The following KIAA1217 variants were observed in gnomAD, a reference collection of about 807,000 sequenced individuals.
The protein encoded by KIAA1217 is KIAA1217.
Under a neutral mutation model 163.9 loss-of-function variants are expected in KIAA1217, and 88 were observed. The observed-to-expected ratio is 0.54, with a 90% CI of 0.45 to 0.64. The LOEUF (loss-of-function observed/expected upper bound fraction) is 0.64. Ranked by LOEUF, KIAA1217 falls within the 30% of genes least tolerant of loss-of-function variation. The pLI is 0.00. For missense variants in KIAA1217, 2,372 were observed against 2,475.0 expected (o/e 0.96, Z 0.88); for synonymous variants, 903 against 923.1 (o/e 0.98, Z 0.39).
At chr10:24,286,087 T>C (rs956877586) in intron 2 of KIAA1217, among the ~76,000 whole-genome samples, 11 of 152,140 alleles carry the variant, frequency 7.2e-5, no homozygotes, top group Admixed American at 2.6e-4. Flanking sequence ...AGTGAAGTTG[T>C]TTATCAGGTC....
At chr10:23,746,873 G>A (rs1428511689) in intron 1 of KIAA1217, among the ~76,000 whole-genome samples, 1 of 152,120 alleles carries the variant, frequency 6.6e-6, no homozygotes, top group Non-Finnish European at 1.5e-5. Context: ...GAAAACAGGG[G>A]TCAAGGTAAA....
intron 1 of KIAA1217, among the ~76,000 whole-genome samples, chr10:23,711,531 T>G (rs576701361): frequency 2.0e-5 from 3 of 152,322 alleles, no homozygotes; most frequent in Admixed American, 2.0e-4. Flanking sequence ...CCTATAGAAC[T>G]CTAATGTAGT....
intron 1 of KIAA1217, among the ~76,000 whole-genome samples, chr10:23,879,172 C>T (rs765183813): frequency 6.6e-6 from 1 of 151,850 alleles, no homozygotes; most frequent in Non-Finnish European, 1.5e-5. Flanking sequence ...TCAACTGAGA[C>T]CCACCTTCAC....
At chr10:24,400,721 A>G (rs1192538870) in intron 3 of KIAA1217, among the ~76,000 whole-genome samples, 1 of 152,130 alleles carries the variant, frequency 6.6e-6, no homozygotes, top group African/African-American at 2.4e-5. Flanking sequence ...GAAATAGTCA[A>G]CCAGAATATA....
At chr10:24,073,786 A>G (rs1253427002) in intron 2 of KIAA1217, among the ~76,000 whole-genome samples, 2 of 152,198 alleles carry the variant, frequency 1.3e-5, no homozygotes, top group Non-Finnish European at 2.9e-5. Context: ...CAAGCTTAGT[A>G]TACAGGAGAC....
At chr10:23,919,985 T>C (rs1589078003) in intron 1 of KIAA1217, among the ~76,000 whole-genome samples, 1 of 152,070 alleles carries the variant, frequency 6.6e-6, no homozygotes, top group African/African-American at 2.4e-5. Context: ...TTCCAAGAAA[T>C]GCCAATCCCA....
At chr10:23,871,859 AT>A (rs1840472356) in intron 1 of KIAA1217, among the ~76,000 whole-genome samples, 1 of 152,060 alleles carries the variant, frequency 6.6e-6, no homozygotes, top group Non-Finnish European at 1.5e-5. Flanking sequence ...CCAACGTGTC[AT>A]TTCAAATTTC....
chr10:24,167,422 G>A (rs2065409677), intron 2 of KIAA1217, among the ~76,000 whole-genome samples: 1 of 151,800 alleles, frequency 6.6e-6, no homozygotes, highest in South Asian at 2.1e-4. Flanking sequence ...GTCATTTGTT[G>A]GTAACAGCAC....
chr10:24,438,393 CAAG>C lies in KIAA1217; in HGVS notation c.762_764del (p.Gln254_Asp255delinsHis), dbSNP rs1179736387. ...CGATGTTTTTGATTCCAGGAACATTCAAGACAGATCACTCCTCAAAGTGTACAA... is the reference window on the plus strand; with the variant it reads ...CGATGTTTTTGATTCCAGGAACATTCACAGATCACTCCTCAAAGTGTACAA... On this transcript the variant is annotated inframe_deletion, in exon 5 of 21. Transcript: ENST00000376454. 1 of 1,611,754 alleles carries C rather than the reference CAAG, an allele frequency of 6.2e-7. No individual in the cohort carries two copies.
At chr10:23,934,594 T>C (rs1426642285) in intron 1 of KIAA1217, among the ~76,000 whole-genome samples, 1 of 85,196 alleles carries the variant, frequency 1.2e-5, no homozygotes, top group Non-Finnish European at 2.0e-5. Flanking sequence ...TATATATGTA[T>C]ATATATATAT....
intron 2 of KIAA1217, among the ~76,000 whole-genome samples, chr10:24,281,386 C>T (rs189378066): frequency 2.0e-5 from 3 of 152,260 alleles, no homozygotes; most frequent in African/African-American, 4.8e-5. Flanking sequence ...AATTAGGGTA[C>T]AGTGTGTTTG....
At chr10:24,317,284 T>A (rs1219689851) in intron 2 of KIAA1217, among the ~76,000 whole-genome samples, 1 of 152,106 alleles carries the variant, frequency 6.6e-6, no homozygotes, top group East Asian at 1.9e-4. Context: ...TGTTACTTTT[T>A]ATTTATTTAT....
intron 2 of KIAA1217, among the ~76,000 whole-genome samples, chr10:24,190,082 T>C (rs975773543): frequency 1.1e-4 from 16 of 149,530 alleles, no homozygotes; most frequent in Non-Finnish European, 2.2e-4. Flanking sequence ...CTAATGATAA[T>C]AAACTGAGGG....
chr10:23,884,003 C>T (rs1022469357), intron 1 of KIAA1217, among the ~76,000 whole-genome samples: 1 of 151,888 alleles, frequency 6.6e-6, no homozygotes, highest in African/African-American at 2.4e-5. Context: ...TTGATCCATT[C>T]GCCTACTGAA....
At chr10:24,436,060 C>A (rs931052246) in intron 4 of KIAA1217, among the ~76,000 whole-genome samples, 2 of 151,912 alleles carry the variant, frequency 1.3e-5, no homozygotes, top group African/African-American at 4.8e-5. Flanking sequence ...GGGGTTTCAC[C>A]ATGTTGGCCA....
At chr10:24,245,388 CAG>C (rs2073670086) in intron 2 of KIAA1217, among the ~76,000 whole-genome samples, 1 of 152,174 alleles carries the variant, frequency 6.6e-6, no homozygotes, top group South Asian at 2.1e-4. Context: ...GAGACCCCAT[CAG>C]AGAGAGGCTT....
At chr10:23,718,349 G>C (rs1837684722) in intron 1 of KIAA1217, among the ~76,000 whole-genome samples, 1 of 152,080 alleles carries the variant, frequency 6.6e-6, no homozygotes. Flanking sequence ...TTTAAATGTA[G>C]TTTATAGAAT....
At chr10:23,760,174 A>G (rs1834178906) in intron 1 of KIAA1217, among the ~76,000 whole-genome samples, 1 of 152,230 alleles carries the variant, frequency 6.6e-6, no homozygotes. Context: ...AAGAGCTGAA[A>G]GTGCATTGCA....
At chr10:23,949,240 T>C (rs1216067466) in intron 1 of KIAA1217, among the ~76,000 whole-genome samples, 1 of 152,100 alleles carries the variant, frequency 6.6e-6, no homozygotes, top group Non-Finnish European at 1.5e-5. Context: ...ACCTGGGAAA[T>C]TCTAGCAAAA....
Sources: allele counts gnomAD v4.1 joint callset (sites outside exome capture counted in the v4.1 genomes callset), GRCh38; gene constraint gnomAD v4.1.1; transcripts MANE v1.5; gene names NCBI Gene and HGNC (gene_info 2026-07-23, HGNC 2026-07-21).